The following TRHDE variants were observed in gnomAD, a reference collection of about 807,000 sequenced individuals.
TRHDE encodes thyrotropin-releasing hormone-degrading ectoenzyme.
In TRHDE, 72 loss-of-function variants were observed where a neutral mutation model predicts 125.7. That is an observed-to-expected ratio of 0.57 (90% CI 0.47 to 0.70). TRHDE has a LOEUF of 0.70. Ranked by LOEUF, TRHDE falls within the 30% of genes least tolerant of loss-of-function variation. TRHDE has a pLI of 0.00. For missense variants in TRHDE, 1,110 were observed against 1,327.1 expected (o/e 0.84, Z 2.54); for synonymous variants, 509 against 509.1 (o/e 1.00, Z 0.00).
intron 2 of TRHDE, among the ~76,000 whole-genome samples, chr12:72,224,134 C>T (rs201073815): frequency 2.5e-5 from 2 of 79,898 alleles, no homozygotes; most frequent in East Asian, 3.5e-4. Flanking sequence ...ATCTATCTAT[C>T]TATCTATTTA....
At chr12:72,210,444 A>C (rs1480897563) in intron 2 of TRHDE, among the ~76,000 whole-genome samples, 2 of 152,152 alleles carry the variant, frequency 1.3e-5, no homozygotes, top group Non-Finnish European at 2.9e-5. Context: ...AGGAAAGGAG[A>C]GAAAACTAAT....
In TRHDE at chr12:72,123,504, T is replaced by C. The variant is rs185578634; in HGVS notation, n.279+17752T>C. Among the ~76,000 whole-genome samples the C allele has an allele frequency of 6.7e-4, 102 of 152,248 alleles. 1 individual carries two copies. The East Asian group carries it at 0.018, about 27-fold the overall frequency. On this transcript the variant is annotated intron_variant and non_coding_transcript_variant, in intron 2 of 4. Coordinates refer to the TRHDE transcript ENST00000548156. ...TGGCATATTTTCTTCTCACCTTTTT[T>C]CCTGTTAGGGTAACAAAGTTTTAAA...
intron 3 of TRHDE, among the ~76,000 whole-genome samples, chr12:72,438,081 C>T (rs1874824890): frequency 6.6e-6 from 1 of 151,820 alleles, no homozygotes; most frequent in East Asian, 1.9e-4. Flanking sequence ...CCTTCAGGTT[C>T]ATCCATGTTG....
At chr12:72,318,894 G>A (rs1868941281) in intron 2 of TRHDE, among the ~76,000 whole-genome samples, 2 of 152,044 alleles carry the variant, frequency 1.3e-5, no homozygotes, top group Admixed American at 1.3e-4. Flanking sequence ...GGGTACCCAT[G>A]AGAAAGGAAT....
At chr12:72,320,247 C>G (rs1435582440) in intron 2 of TRHDE, among the ~76,000 whole-genome samples, 1 of 151,874 alleles carries the variant, frequency 6.6e-6, no homozygotes, top group South Asian at 2.1e-4. Context: ...CAGGAACCCC[C>G]CACAGATACA....
intron 6 of TRHDE, among the ~76,000 whole-genome samples, chr12:72,539,725 A>T (rs1048623979): frequency 6.6e-6 from 1 of 151,936 alleles, no homozygotes; most frequent in Non-Finnish European, 1.5e-5. Flanking sequence ...CTTTTGTGGA[A>T]TATTCTCTAT....
chr12:72,591,400 T>C (rs188822433), intron 12 of TRHDE, among the ~76,000 whole-genome samples: 1 of 152,316 alleles, frequency 6.6e-6, no homozygotes, highest in East Asian at 1.9e-4. Flanking sequence ...AAATAAAATA[T>C]AGAAATCCTC....
chr12:72,268,220 A>AC (rs555146989), upstream of TRHDE, among the ~76,000 whole-genome samples: 73 of 152,234 alleles, frequency 4.8e-4, no homozygotes, highest in African/African-American at 1.6e-3. Context: ...CTCATACGAT[A>AC]CATCAGTCTA....
intron 2 of TRHDE, among the ~76,000 whole-genome samples, chr12:72,175,873 T>C (rs1245584802): frequency 6.6e-6 from 1 of 152,240 alleles, no homozygotes; most frequent in Admixed American, 6.5e-5. Context: ...GGATCAACTC[T>C]GATCATATAT....
intron 1 of TRHDE, among the ~76,000 whole-genome samples, chr12:72,279,879 T>G (rs1474947424): frequency 6.6e-6 from 1 of 152,170 alleles, no homozygotes; most frequent in Non-Finnish European, 1.5e-5. Context: ...AAGTTTTGTT[T>G]TAATCATTCA....
chr12:72,381,746 A>T (rs1367904534), intron 3 of TRHDE, among the ~76,000 whole-genome samples: 1 of 152,220 alleles, frequency 6.6e-6, no homozygotes, highest in East Asian at 1.9e-4. Context: ...AAAGAGAGGC[A>T]TCTAGGGCAA....
chr12:72,286,948 G>A lies in TRHDE; in HGVS notation c.1182G>A (p.Gly394=). The part of the protein sequence containing the change: ...FTYRETTTKS[G]VVVRLYARPD... ...ACAGAGAAACTACCACCAAGAGTGGGGTTGTAGTAAGTATTTTCAGCTTAA... is the reference window on the plus strand; with the variant it reads ...ACAGAGAAACTACCACCAAGAGTGGAGTTGTAGTAAGTATTTTCAGCTTAA... Residue 394 remains glycine, a synonymous_variant, in exon 2 of 19, where the codon GGG becomes GGA. Coordinates refer to ENST00000261180, the MANE Select transcript of TRHDE (RefSeq NM_013381.3). The A allele has an allele frequency of 6.2e-7, 1 of 1,612,580 alleles. No homozygotes were observed. The highest frequency in any genetic ancestry group is 8.5e-7 in the Non-Finnish European group (1 of 1,179,406).
intron 2 of TRHDE, among the ~76,000 whole-genome samples, chr12:72,138,622 A>G (rs564154053): frequency 3.7e-4 from 56 of 152,362 alleles, no homozygotes; most frequent in African/African-American, 1.3e-3. Flanking sequence ...AAAACTGTCC[A>G]GTCCCATCTA....
At chr12:72,191,933 G>A (rs1877349011) in intron 2 of TRHDE, among the ~76,000 whole-genome samples, 1 of 152,080 alleles carries the variant, frequency 6.6e-6, no homozygotes, top group South Asian at 2.1e-4. Flanking sequence ...ATAAGTAAAA[G>A]CTGTCTGCCT....
intron 2 of TRHDE, among the ~76,000 whole-genome samples, chr12:72,376,211 T>C (rs527931081): frequency 6.6e-6 from 1 of 152,294 alleles, no homozygotes; most frequent in South Asian, 2.1e-4. Flanking sequence ...TCAGGCTGAG[T>C]CCAGGACTTC....
In TRHDE at chr12:72,247,318, T is replaced by C. The variant is rs147315466; in HGVS notation, n.280-130677T>C. 9.8e-5 allele frequency among the ~76,000 whole-genome samples: 15 copies of C among 152,302 alleles called. No individual in the cohort carries two copies. The East Asian group carries it at 2.9e-3, about 29-fold the overall frequency. On this transcript the variant is annotated intron_variant and non_coding_transcript_variant, in intron 2 of 4. Transcript: ENST00000548156. ...TTGACCTTCTGCATGGTTTAATCCA[T>C]GGATGTGGAACTCATGGATATGGAG...
chr12:72,516,892 A>G (rs1259923927), intron 6 of TRHDE, among the ~76,000 whole-genome samples: 2 of 152,102 alleles, frequency 1.3e-5, no homozygotes, highest in African/African-American at 4.8e-5. Context: ...TTCTGCATCT[A>G]TTGAGATAAT....
At chr12:72,309,425 T>A (rs1401269008) in intron 2 of TRHDE, among the ~76,000 whole-genome samples, 1 of 151,794 alleles carries the variant, frequency 6.6e-6, no homozygotes, top group African/African-American at 2.4e-5. Flanking sequence ...AAAGGTGAGA[T>A]CAATGATGAA....
At chr12:72,384,241 T>G (rs576373867) in intron 3 of TRHDE, among the ~76,000 whole-genome samples, 1 of 152,058 alleles carries the variant, frequency 6.6e-6, no homozygotes, top group Non-Finnish European at 1.5e-5. Flanking sequence ...CAAAAAGGAG[T>G]TTGATTGCTT....
Sources: gnomAD v4.1 joint callset for allele counts (sites outside exome capture counted in the v4.1 genomes callset) on GRCh38, gnomAD v4.1.1 for gene constraint, MANE v1.5 for transcripts, NCBI Gene and HGNC (gene_info 2026-07-23, HGNC 2026-07-21) for gene names.